RPS6KA6: variants seen among roughly 807,000 people sequenced by gnomAD.
RPS6KA6 encodes the protein ribosomal protein S6 kinase alpha-6.
A neutral mutation model predicts 65.4 loss-of-function variants in RPS6KA6; 27 were observed. The observed-to-expected ratio is 0.41, with a 90% CI of 0.30 to 0.57. The LOEUF is 0.57. Ranked by LOEUF, RPS6KA6 falls within the 20% of genes least tolerant of loss-of-function variation. The pLI is 0.24. For synonymous variants in RPS6KA6, 190 were observed against 184.2 expected, an observed-to-expected ratio of 1.03 and a Z score of -0.26; for missense variants, 486 against 555.6, an observed-to-expected ratio of 0.87 and a Z score of 1.26.
intron 20 of RPS6KA6, among the ~76,000 whole-genome samples, chrX:84,095,496 G>T (rs1314176504): frequency 9.0e-6 from 1 of 111,629 alleles, no homozygotes; most frequent in Non-Finnish European, 1.9e-5. Flanking sequence ...GCCACATGTG[G>T]CTATTAAGTA....
At position 84,116,422 on chromosome X, in the gene RPS6KA6, T is replaced by G. The variant is rs756278426; in HGVS notation, c.950-135A>C. The G allele has an allele frequency of 6.3e-5, 22 of 347,237 alleles. No individual in the cohort carries two copies. In the South Asian group the frequency reaches 1.6e-3, roughly 25 times the overall value. The allele number at this position is 347,237 out of a possible 1,213,427, so 28.6% of individuals were successfully genotyped here. A position where few individuals can be genotyped will look rare whatever the true frequency, so the allele number is the denominator to read the frequency against. Reference sequence around the variant, plus strand: ...GAAAAGAAAAATACATGATTTCTTATCTGGCATTTTATTAGCTGGTCCTTT... The same window carrying G: ...GAAAAGAAAAATACATGATTTCTTAGCTGGCATTTTATTAGCTGGTCCTTT... On this transcript the variant is annotated intron_variant, in intron 11 of 21. Coordinates refer to ENST00000262752, the MANE Select transcript of RPS6KA6 (RefSeq NM_014496.5).
At chrX:84,096,996 C>T (rs971262625) in intron 19 of RPS6KA6, among the ~76,000 whole-genome samples, 15 of 111,123 alleles carry the variant, frequency 1.3e-4, no homozygotes, top group Non-Finnish European at 2.1e-4. Context: ...GTAATTAACA[C>T]CAAGCCATTA....
At chrX:84,123,384 G>A (rs183997528) in intron 8 of RPS6KA6, among the ~76,000 whole-genome samples, 65 of 112,878 alleles carry the variant, frequency 5.8e-4, no homozygotes, top group Admixed American at 1.6e-3. Flanking sequence ...AGGCTCTTGA[G>A]GTCTCTTGAG....
chrX:84,098,771 A>G lies in RPS6KA6; in HGVS notation c.1777-923T>C, dbSNP rs190676135. On this transcript the variant is annotated intron_variant, in intron 18 of 21. Coordinates refer to ENST00000262752, the MANE Select transcript of RPS6KA6 (RefSeq NM_014496.5). ...ATATAACAAACTTAAAATTTGAAAT[A>G]TGCTTTTTTCCTAGTCTTAGTGTAT... Among the ~76,000 whole-genome samples the G allele has an allele frequency of 1.1e-4, 12 of 111,340 alleles. No homozygotes were observed. In the Admixed American group the frequency reaches 1.2e-3, roughly 11 times the overall value.
At chrX:84,072,750 G>A (rs2033574527) in intron 20 of RPS6KA6, among the ~76,000 whole-genome samples, 1 of 111,615 alleles carries the variant, frequency 9.0e-6, no homozygotes, top group South Asian at 3.7e-4. Context: ...TATATGACAA[G>A]AGTGAACAGT....
intron 2 of RPS6KA6, among the ~76,000 whole-genome samples, chrX:84,161,963 G>T (rs2035521056): frequency 9.0e-6 from 1 of 111,349 alleles, no homozygotes; most frequent in South Asian, 3.7e-4. Context: ...ATACTGGGTA[G>T]AGTTTTAAAA....
intron 1 of RPS6KA6, among the ~76,000 whole-genome samples, chrX:84,166,752 T>C (rs918633408): frequency 3.6e-5 from 4 of 110,794 alleles, no homozygotes; most frequent in African/African-American, 9.8e-5. Flanking sequence ...TAATGGTTGG[T>C]TGGGGTGAGG....
At chrX:84,084,929 T>C (rs1341946839) in intron 20 of RPS6KA6, among the ~76,000 whole-genome samples, 3 of 111,461 alleles carry the variant, frequency 2.7e-5, no homozygotes, top group Non-Finnish European at 5.6e-5. Flanking sequence ...ACTTCCCTTG[T>C]TAGCTGTATT....
chrX:84,179,235 T>C (rs1321534652), intron 1 of RPS6KA6, among the ~76,000 whole-genome samples: 1 of 111,195 alleles, frequency 9.0e-6, no homozygotes, highest in Non-Finnish European at 1.9e-5. Context: ...CCAATTAGAA[T>C]AGCTATTTTT....
At chrX:84,128,527 C>T (rs193217180) in intron 8 of RPS6KA6, among the ~76,000 whole-genome samples, 1 of 111,326 alleles carries the variant, frequency 9.0e-6, no homozygotes, top group East Asian at 2.8e-4. Context: ...TATGGATCCA[C>T]AAAATACCCA....
chrX:84,140,602 T>C (rs112750368), intron 6 of RPS6KA6, among the ~76,000 whole-genome samples: 6,242 of 106,762 alleles, frequency 0.058, 226 homozygotes, highest in East Asian at 0.19. Context: ...CCGGGCTAAC[T>C]GTGCACCTGT....
chrX:84,073,303 C>G (rs2033587927), intron 20 of RPS6KA6, among the ~76,000 whole-genome samples: 1 of 111,494 alleles, frequency 9.0e-6, no homozygotes, highest in Admixed American at 9.6e-5. Flanking sequence ...ATAGATAGTG[C>G]CAATAAAACT....
At chrX:84,178,786 G>A (rs893398268) in intron 1 of RPS6KA6, among the ~76,000 whole-genome samples, 2 of 110,667 alleles carry the variant, frequency 1.8e-5, no homozygotes, top group Non-Finnish European at 3.8e-5. Flanking sequence ...ACTAGAAATG[G>A]ATCAAAGACC....
intron 1 of RPS6KA6, chrX:84,186,089 T>C (rs1416385767): frequency 1.9e-6 from 1 of 513,230 alleles, no homozygotes; most frequent in Non-Finnish European, 3.5e-6. Flanking sequence ...TTCATAGGGA[T>C]TAACAATTTC....
chrX:84,182,076 C>T (rs1301220931), intron 1 of RPS6KA6, among the ~76,000 whole-genome samples: 1 of 108,735 alleles, frequency 9.2e-6, no homozygotes, highest in Non-Finnish European at 1.9e-5. Context: ...CACACACACA[C>T]ACACACACAC....
chrX:84,183,801 AACC>A (rs1212177597), intron 1 of RPS6KA6, among the ~76,000 whole-genome samples: 1 of 110,166 alleles, frequency 9.1e-6, no homozygotes, highest in African/African-American at 3.3e-5. Context: ...TCCATTCCTA[AACC>A]ACCACCACCC....
rs2033284524 is a variant in RPS6KA6 at position 84,060,350 on chromosome X, C to CTTTTTTTCTTTTTTTTTTT, written c.*3926_*3927insAAAAAAAAAAAGAAAAAAA. 1.3e-5 allele frequency: 1 copy of CTTTTTTTCTTTTTTTTTTT among 76,207 alleles called. No homozygotes were observed. The highest frequency in any genetic ancestry group is 5.2e-5 in the African/African-American group (1 of 19,339). 6.3% of individuals were successfully genotyped at this position (76,207 alleles called of 1,213,427 possible). A position where few individuals can be genotyped will look rare whatever the true frequency, so the allele number is the denominator to read the frequency against. On this transcript the variant is annotated 3_prime_UTR_variant, in exon 22 of 22. Coordinates refer to ENST00000262752, the MANE Select transcript of RPS6KA6 (RefSeq NM_014496.5). ...TTTTTTTTTTTTTTTTTTGAAATAACATTGTGACTTAAAGGATTTCTAGGT... is the reference window on the plus strand; with the variant it reads ...TTTTTTTTTTTTTTTTTTGAAATAACTTTTTTTCTTTTTTTTTTTATTGTGACTTAAAGGATTTCTAGGT...
chrX:84,163,601 T>C (rs2147605713), intron 2 of RPS6KA6, among the ~76,000 whole-genome samples: 1 of 92,919 alleles, frequency 1.1e-5, no homozygotes, highest in Non-Finnish European at 2.0e-5. Flanking sequence ...ATTGCGCCAC[T>C]GCAGTCCGCA....
chrX:84,137,941 G>T (rs1386735559), intron 6 of RPS6KA6, among the ~76,000 whole-genome samples: 1 of 111,749 alleles, frequency 8.9e-6, no homozygotes, highest in Non-Finnish European at 1.9e-5. Flanking sequence ...ATTTCTGTAT[G>T]ATTTTTCCTT....
Sources: gnomAD v4.1 joint callset for allele counts (sites outside exome capture counted in the v4.1 genomes callset) on GRCh38, gnomAD v4.1.1 for gene constraint, MANE v1.5 for transcripts, NCBI Gene and HGNC (gene_info 2026-07-23, HGNC 2026-07-21) for gene names.